ZFHX3: variants seen among roughly 807,000 people sequenced by gnomAD.
ZFHX3 encodes zinc finger homeobox protein 3.
Under a neutral mutation model 279.1 loss-of-function variants are expected in ZFHX3, and 42 were observed. That is an observed-to-expected ratio of 0.15 (90% CI 0.12 to 0.19). ZFHX3 has a LOEUF of 0.19. Among genes scored for constraint, ZFHX3 ranks in the 10% least tolerant of loss-of-function variants. The pLI is 1.00. For synonymous variants in ZFHX3, 2,293 were observed against 1,957.8 expected (o/e 1.17, Z -4.52); for missense variants, 4,981 against 4,754.0 (o/e 1.05, Z -1.40).
In ZFHX3 at chr16:73,079,685, T is replaced by C. The variant is rs184958980; in HGVS notation, c.-533+13550A>G. Among the ~76,000 whole-genome samples, 21 of 152,130 alleles carry C rather than the reference T, an allele frequency of 1.4e-4. No homozygotes were observed. In the East Asian group the frequency reaches 3.3e-3, roughly 24 times the overall value. On this transcript the variant is annotated intron_variant, in intron 8 of 17. Transcript: ENST00000641206. ...ACTTGGAAACCTACACATGCTGTAT[T>C]CTCTCCAATCAAACAAGAACAAGAA...
intron 3 of ZFHX3, among the ~76,000 whole-genome samples, chr16:72,905,141 T>C (rs1196336616): frequency 6.6e-6 from 1 of 152,112 alleles, no homozygotes; most frequent in African/African-American, 2.4e-5. Context: ...CACCCGGCCC[T>C]TTCTTTTGTG....
At chr16:73,346,324 C>A (rs1406492593) in intron 3 of ZFHX3, among the ~76,000 whole-genome samples, 2 of 152,208 alleles carry the variant, frequency 1.3e-5, no homozygotes, top group Non-Finnish European at 2.9e-5. Context: ...GGCTCTCCCA[C>A]CGTCTGTCCT....
chr16:73,634,756 A>G (rs957437508), intron 2 of ZFHX3, among the ~76,000 whole-genome samples: 3 of 152,290 alleles, frequency 2.0e-5, no homozygotes, highest in East Asian at 3.9e-4. Context: ...CAAGTCACCA[A>G]TGATAGCACT....
intron 2 of ZFHX3, among the ~76,000 whole-genome samples, chr16:73,456,568 C>G (rs1034136016): frequency 6.6e-6 from 1 of 152,220 alleles, no homozygotes; most frequent in Non-Finnish European, 1.5e-5. Flanking sequence ...ACACTATGTT[C>G]TGATAGGCAA....
At position 72,977,380 on chromosome 16, in the gene ZFHX3, C is replaced by T. The variant is rs77536653; in HGVS notation, c.-49-17186G>A. On this transcript the variant is annotated intron_variant, in intron 1 of 9. Transcript: ENST00000268489. ...AGGAGGTGGCTCAGCCCAGCTTTCA[C>T]GTGACCAGTGTCCATTTATAGGGTC... Among the ~76,000 whole-genome samples, 6 of 152,248 alleles carry T rather than the reference C, an allele frequency of 3.9e-5. No homozygotes were observed. In the South Asian group the frequency reaches 8.3e-4, roughly 21 times the overall value.
chr16:73,584,104 C>G (rs879572189), intron 2 of ZFHX3, among the ~76,000 whole-genome samples: 6 of 152,098 alleles, frequency 3.9e-5, no homozygotes, highest in Non-Finnish European at 5.9e-5. Context: ...CTGAATAACT[C>G]ATGCAGAGCA....
chr16:73,335,047 G>A (rs2015886238), intron 3 of ZFHX3, among the ~76,000 whole-genome samples: 1 of 151,756 alleles, frequency 6.6e-6, no homozygotes, highest in Non-Finnish European at 1.5e-5. Context: ...CCAATTATTA[G>A]GTGACCAAAC....
At chr16:73,478,370 A>C (rs1023840458) in intron 2 of ZFHX3, among the ~76,000 whole-genome samples, 77 of 151,990 alleles carry the variant, frequency 5.1e-4, no homozygotes, top group African/African-American at 1.6e-3. Flanking sequence ...CTGATGCTCT[A>C]CCAACTGAGC....
chr16:73,575,435 C>G (rs1385196095), intron 2 of ZFHX3, among the ~76,000 whole-genome samples: 1 of 152,148 alleles, frequency 6.6e-6, no homozygotes, highest in East Asian at 1.9e-4. Context: ...TTACACAACA[C>G]AGGGTCCACG....
At chr16:73,800,660 C>T (rs1380503282) in intron 1 of ZFHX3, among the ~76,000 whole-genome samples, 2 of 152,160 alleles carry the variant, frequency 1.3e-5, no homozygotes, top group African/African-American at 4.8e-5. Flanking sequence ...TCCTCCAAGA[C>T]CACAGCCCCT....
At chr16:73,836,741 G>A (rs111918660) in intron 1 of ZFHX3, among the ~76,000 whole-genome samples, 13 of 152,328 alleles carry the variant, frequency 8.5e-5, no homozygotes, top group African/African-American at 2.4e-4. Context: ...CAAAACTCAC[G>A]ATGAAACTTA....
chr16:73,451,851 G>A (rs192412118), intron 3 of ZFHX3, among the ~76,000 whole-genome samples: 1 of 152,316 alleles, frequency 6.6e-6, no homozygotes, highest in East Asian at 1.9e-4. Flanking sequence ...GGGGAGAACT[G>A]TTCCATGTGA....
intron 2 of ZFHX3, chr16:73,486,835 G>A (rs1248690984): frequency 4.4e-6 from 2 of 455,600 alleles, no homozygotes; most frequent in Non-Finnish European, 8.8e-6. Flanking sequence ...TGCACTTTAG[G>A]GTCTCAGGCT....
At chr16:73,708,088 G>GA (rs1016466947) in intron 1 of ZFHX3, among the ~76,000 whole-genome samples, 2 of 147,278 alleles carry the variant, frequency 1.4e-5, no homozygotes, top group South Asian at 4.6e-4. Context: ...GTGGGGGGGG[G>GA]AAGTATTTAC....
chr16:73,241,790 C>CAAAAAA (rs60214410), intron 5 of ZFHX3, among the ~76,000 whole-genome samples: 51 of 51,274 alleles, frequency 9.9e-4, no homozygotes, highest in African/African-American at 3.7e-3. Context: ...AACTCCGTCT[C>CAAAAAA]AAAAAAAAAA....
chr16:73,875,939 T>C (rs992639185), intron 1 of ZFHX3, among the ~76,000 whole-genome samples: 1 of 152,342 alleles, frequency 6.6e-6, no homozygotes, highest in East Asian at 1.9e-4. Context: ...ATTAAGAGAC[T>C]TTGGTCCTTA....
chr16:73,682,383 A>G (rs1285196943), intron 1 of ZFHX3, among the ~76,000 whole-genome samples: 1 of 152,158 alleles, frequency 6.6e-6, no homozygotes, highest in Non-Finnish European at 1.5e-5. Context: ...TGTTTTGGAG[A>G]AAGATTACTC....
At chr16:73,831,391 T>C (rs768377137) in intron 1 of ZFHX3, among the ~76,000 whole-genome samples, 1 of 152,024 alleles carries the variant, frequency 6.6e-6, no homozygotes, top group Admixed American at 6.6e-5. Flanking sequence ...TGATGAGAGG[T>C]GCTAAATAAG....
chr16:72,868,140 A>T (rs942404795), intron 4 of ZFHX3, among the ~76,000 whole-genome samples: 7 of 152,260 alleles, frequency 4.6e-5, no homozygotes, highest in African/African-American at 1.7e-4. Flanking sequence ...CATGAGATAC[A>T]TAAGTAATAC....
Sources: allele counts gnomAD v4.1 joint callset (sites outside exome capture counted in the v4.1 genomes callset), GRCh38; gene constraint gnomAD v4.1.1; transcripts MANE v1.5; gene names NCBI Gene and HGNC (gene_info 2026-07-23, HGNC 2026-07-21).